Variants in SHTN1 observed in about 807,000 individuals in gnomAD.
SHTN1 encodes the protein shootin-1.
In SHTN1, 42 loss-of-function variants were observed where a neutral mutation model predicts 83.1. The observed-to-expected ratio is 0.51, with a 90% CI of 0.39 to 0.65. The LOEUF (loss-of-function observed/expected upper bound fraction) is 0.65. Ranked by LOEUF, SHTN1 falls within the 30% of genes least tolerant of loss-of-function variation. The probability of loss-of-function intolerance (pLI) is 0.00; values close to 1 mark genes in which losing one functional copy is unlikely to be tolerated. For synonymous variants in SHTN1, 224 were observed against 247.7 expected (o/e 0.90, Z 0.90); for missense variants, 622 against 737.8 (o/e 0.84, Z 1.82).
At chr10:116,936,613 G>A (rs571688339) in intron 9 of SHTN1, among the ~76,000 whole-genome samples, 11 of 152,184 alleles carry the variant, frequency 7.2e-5, no homozygotes, top group Admixed American at 2.0e-4. Flanking sequence ...GAATAAGTAC[G>A]ATGTGGTCCT....
chr10:116,951,163 T>G (rs568605286), intron 6 of SHTN1, among the ~76,000 whole-genome samples: 1 of 152,246 alleles, frequency 6.6e-6, no homozygotes, highest in Non-Finnish European at 1.5e-5. Flanking sequence ...CGGCTTGCAT[T>G]GGTGGTCCCA....
At chr10:117,083,289 T>C (rs1276253142) in intron 1 of SHTN1, among the ~76,000 whole-genome samples, 1 of 146,152 alleles carries the variant, frequency 6.8e-6, no homozygotes, top group African/African-American at 2.5e-5. Context: ...TCTCCTTCAC[T>C]TATGAAGCTT....
intron 4 of SHTN1, among the ~76,000 whole-genome samples, chr10:116,959,350 G>C (rs537655412): frequency 2.2e-4 from 34 of 152,128 alleles, no homozygotes; most frequent in Non-Finnish European, 4.1e-4. Context: ...GAAGCACACT[G>C]TTAATGCATA....
chr10:117,004,707 C>T (rs1242354899), intron 1 of SHTN1, among the ~76,000 whole-genome samples: 1 of 152,148 alleles, frequency 6.6e-6, no homozygotes, highest in Non-Finnish European at 1.5e-5. Flanking sequence ...GAAGGTGGCA[C>T]TGTGCAACCT....
chr10:117,025,007 G>C (rs1193001055), intron 2 of SHTN1, among the ~76,000 whole-genome samples: 2 of 152,132 alleles, frequency 1.3e-5, no homozygotes, highest in Non-Finnish European at 2.9e-5. Context: ...GACTCGGATG[G>C]AGCAAGATGG....
intron 1 of SHTN1, among the ~76,000 whole-genome samples, chr10:116,997,758 T>C (rs1017695316): frequency 6.6e-5 from 10 of 152,154 alleles, no homozygotes; most frequent in African/African-American, 2.4e-4. Context: ...CATATTGTAG[T>C]CTTTGGCAGG....
intron 1 of SHTN1, among the ~76,000 whole-genome samples, chr10:117,070,501 TA>T (rs1315615807): frequency 6.6e-6 from 1 of 152,066 alleles, no homozygotes; most frequent in Non-Finnish European, 1.5e-5. Flanking sequence ...TGCAGTCACT[TA>T]ATTTTTTTAA....
rs373819148 is a variant in SHTN1, at chr10:117,086,592, A to G, written c.-188-38082T>C. On this transcript the variant is annotated intron_variant, in intron 1 of 17. Transcript: ENST00000392901. ...TTATATAGTCCTACCTTCTCTTAGC[A>G]TATCATTTATACTTGTTTTGGCAAA... Among the ~76,000 whole-genome samples, 20 of 152,132 alleles carry G rather than the reference A, an allele frequency of 1.3e-4. No homozygotes were observed. In the East Asian group the frequency reaches 2.1e-3, roughly 16 times the overall value.
chr10:116,958,928 T>C (rs2133438323), intron 4 of SHTN1, among the ~76,000 whole-genome samples: 1 of 152,296 alleles, frequency 6.6e-6, no homozygotes, highest in Non-Finnish European at 1.5e-5. Context: ...TCCTGAAAGG[T>C]AGCCAGTATC....
Position 116,900,839 on chromosome 10 carries a change from G to A in SHTN1, c.1673+926C>T. On this transcript the variant is annotated intron_variant, in intron 16 of 16. Transcript: ENST00000355371. ...GATAAAACTGTAAATCAGCAAAGAAGGCCATTCATTCCAGAAGAGAAAAAA... is the reference window on the plus strand; with the variant it reads ...GATAAAACTGTAAATCAGCAAAGAAAGCCATTCATTCCAGAAGAGAAAAAA... The A allele has an allele frequency of 3.0e-6, 3 of 985,304 alleles. No individual in the cohort carries two copies. In the South Asian group the frequency reaches 1.4e-4, roughly 46 times the overall value. 61.0% of individuals were successfully genotyped at this position (985,304 alleles called of 1,614,324 possible). A position where few individuals can be genotyped will look rare whatever the true frequency, so the allele number is the denominator to read the frequency against.
chr10:117,010,242 A>C (rs934637893), upstream of SHTN1, among the ~76,000 whole-genome samples: 5 of 152,068 alleles, frequency 3.3e-5, no homozygotes, highest in African/African-American at 7.2e-5. Flanking sequence ...AGTAATACCA[A>C]TGATTCAGAA....
At chr10:117,023,552 A>G (rs1191463138) in intron 2 of SHTN1, 2 of 152,674 alleles carry the variant, frequency 1.3e-5, no homozygotes, top group Non-Finnish European at 2.9e-5. Flanking sequence ...AATCCTGTCA[A>G]GTACACCTAC....
intron 1 of SHTN1, among the ~76,000 whole-genome samples, chr10:117,110,701 A>G (rs772492984): frequency 3.9e-5 from 6 of 152,148 alleles, no homozygotes; most frequent in Non-Finnish European, 7.4e-5. Flanking sequence ...ATGTGGTGTC[A>G]TGGGAAAAGC....
At chr10:117,057,230 A>G (rs1382641629) in intron 1 of SHTN1, among the ~76,000 whole-genome samples, 1 of 152,316 alleles carries the variant, frequency 6.6e-6, no homozygotes, top group East Asian at 1.9e-4. Flanking sequence ...CCAGAGGAAG[A>G]CTTAAACAGT....
chr10:116,881,646 G>GA lies in SHTN1; in HGVS notation c.*4697dup. On this transcript the variant is annotated 3_prime_UTR_variant, in exon 17 of 17. Coordinates refer to ENST00000355371, the MANE Select transcript of SHTN1 (RefSeq NM_001127211.3). Reference sequence around the variant, plus strand: ...CACACAAGGTGTAGAGGAATCAGCCGAAACAGGAGCATCCTCTGGATAGGG... The same window carrying GA: ...CACACAAGGTGTAGAGGAATCAGCCGAAAACAGGAGCATCCTCTGGATAGGG... 1 of 1,546,780 alleles carries GA rather than the reference G, an allele frequency of 6.5e-7. No homozygotes were observed. Among genetic ancestry groups the GA allele is most frequent in the Non-Finnish European group, 8.7e-7 (1 of 1,145,302 alleles).
rs1589770689 is a variant in SHTN1 at position 116,884,499 on chromosome 10, T to G, written c.*1845A>C. On this transcript the variant is annotated 3_prime_UTR_variant, in exon 17 of 17. Coordinates refer to ENST00000355371, the MANE Select transcript of SHTN1 (RefSeq NM_001127211.3). ...CACATTTCACCCAAAGGGCAACTTC[T>G]TACTCTAGAAAGGAGGGTATTTTGA... 3.0e-6 allele frequency: 1 copy of G among 335,146 alleles called. No homozygotes were observed. The highest frequency in any genetic ancestry group is 5.9e-6 in the Non-Finnish European group (1 of 168,092). The allele number at this position is 335,146 out of a possible 1,614,324, so 20.8% of individuals were successfully genotyped here.
intron 8 of SHTN1, among the ~76,000 whole-genome samples, chr10:116,941,767 C>A (rs1200547440): frequency 4.6e-5 from 7 of 152,150 alleles, no homozygotes; most frequent in Admixed American, 4.6e-4. Flanking sequence ...TTATACAATC[C>A]TTAAGCTCTT....
At chr10:117,068,224 T>C (rs1320307297) in intron 1 of SHTN1, among the ~76,000 whole-genome samples, 1 of 152,140 alleles carries the variant, frequency 6.6e-6, no homozygotes, top group Non-Finnish European at 1.5e-5. Context: ...AAACACCATC[T>C]GCTAAAAATA....
At chr10:117,100,313 T>C (rs896864568) in intron 1 of SHTN1, among the ~76,000 whole-genome samples, 4 of 152,232 alleles carry the variant, frequency 2.6e-5, no homozygotes, top group African/African-American at 9.6e-5. Context: ...TCATTCATGA[T>C]GTGTTTTCTG....
Sources: gnomAD v4.1 joint callset for allele counts (sites outside exome capture counted in the v4.1 genomes callset) on GRCh38, gnomAD v4.1.1 for gene constraint, MANE v1.5 for transcripts, NCBI Gene and HGNC (gene_info 2026-07-23, HGNC 2026-07-21) for gene names.